The following BCAS3 variants were observed in gnomAD, a reference collection of about 807,000 sequenced individuals.
BCAS3 encodes BCAS4/BCAS3 fusion.
BCAS3 carries 53 observed loss-of-function variants against 116.1 expected under a neutral mutation model. The observed-to-expected ratio is 0.46, with a 90% confidence interval of 0.37 to 0.57. BCAS3 has a LOEUF of 0.57. Ranked by LOEUF, BCAS3 falls within the 20% of genes least tolerant of loss-of-function variation. The pLI is 0.00. For synonymous variants in BCAS3, 391 were observed against 408.2 expected, an observed-to-expected ratio of 0.96 and a Z score of 0.51; for missense variants, 917 against 1,165.4, an observed-to-expected ratio of 0.79 and a Z score of 3.10.
rs940073932 is a variant in BCAS3, at chr17:61,354,372, C to T, written c.2426-13955C>T. ...GACTTCCTGTTCCAGTGGACTCTTC[C>T]ACCGCCCTTGAGTGGGGAACATCCA... is the stretch of plus-strand genomic sequence containing the variant. On this transcript the variant is annotated intron_variant, in intron 22 of 23. Transcript: ENST00000407086. This position sits in a 1 kb window ranked among gnomAD's most constrained non-coding sequence, Gnocchi z 4.5. 6.6e-6 allele frequency: 1 copy of T among 152,200 alleles called. No individual in the cohort carries two copies. Among genetic ancestry groups the T allele is most frequent in the African/African-American group, 2.4e-5 (1 of 41,438 alleles). The allele number at this position is 152,200 out of a possible 1,614,324, so 9.4% of individuals were successfully genotyped here.
chr17:61,334,399 G>A (rs1490768858), intron 22 of BCAS3, among the ~76,000 whole-genome samples: 1 of 152,184 alleles, frequency 6.6e-6, no homozygotes, highest in Admixed American at 6.5e-5. Flanking sequence ...GGGCGCGGTG[G>A]CTCACGCCTG....
intron 7 of BCAS3, among the ~76,000 whole-genome samples, chr17:60,830,908 G>T (rs2050860923): frequency 1.4e-5 from 2 of 147,402 alleles, no homozygotes; most frequent in African/African-American, 5.0e-5. Flanking sequence ...GTCTTACTCT[G>T]TGATCCATGC....
At chr17:60,944,835 A>G (rs1176045744) in intron 13 of BCAS3, among the ~76,000 whole-genome samples, 3 of 152,168 alleles carry the variant, frequency 2.0e-5, no homozygotes, top group Non-Finnish European at 4.4e-5. Context: ...TTCATTATAA[A>G]AACTCTCAAC....
At position 61,105,585 on chromosome 17, in the gene BCAS3, C is replaced by T. The variant is rs947339461; in HGVS notation, c.2425+21021C>T. ...GGTTACAGGCATGTGCCACCACGCC[C>T]AGCTAATTTTGTATTTTTTTTAGTA... On this transcript the variant is annotated intron_variant, in intron 22 of 23. Coordinates refer to ENST00000407086, the MANE Select transcript of BCAS3 (RefSeq NM_017679.5). The surrounding 1 kb of genome is among the most constrained non-coding windows in gnomAD (Gnocchi z 4.3). Among the ~76,000 whole-genome samples, 1 of 152,134 alleles carries T rather than the reference C, an allele frequency of 6.6e-6. No individual in the cohort carries two copies. The highest frequency in any genetic ancestry group is 2.4e-5 in the African/African-American group (1 of 41,448).
At chr17:60,818,955 A>G (rs1490914001) in intron 7 of BCAS3, among the ~76,000 whole-genome samples, 1 of 152,106 alleles carries the variant, frequency 6.6e-6, no homozygotes, top group East Asian at 1.9e-4. Flanking sequence ...TTAACTTAGA[A>G]CCACGAAGAC....
In BCAS3 at chr17:61,134,230, G is replaced by A. The variant is rs1394949757; in HGVS notation, c.2425+49666G>A. On this transcript the variant is annotated intron_variant, in intron 22 of 23. Transcript: ENST00000407086. This position sits in a 1 kb window ranked among gnomAD's most constrained non-coding sequence, Gnocchi z 4.6. ...AAAGAAAGGGAAGAAATACCATTTC[G>A]TAATAAGAAGATGAGGATCAATAAT... 1.3e-5 allele frequency among the ~76,000 whole-genome samples: 2 copies of A among 152,172 alleles called. No individual in the cohort carries two copies. The highest frequency in any genetic ancestry group is 1.9e-4 in the East Asian group (1 of 5,200).
chr17:61,306,387 T>C (rs1179369311), intron 22 of BCAS3, among the ~76,000 whole-genome samples: 1 of 152,236 alleles, frequency 6.6e-6, no homozygotes, highest in Non-Finnish European at 1.5e-5. Context: ...AGTTAGAGAA[T>C]AGCACACTTT....
intron 17 of BCAS3, among the ~76,000 whole-genome samples, chr17:61,035,055 T>G (rs924431677): frequency 6.6e-6 from 1 of 152,188 alleles, no homozygotes; most frequent in African/African-American, 2.4e-5. Context: ...ATGCTGTCAA[T>G]TCTATACCCA....
chr17:61,170,302 GT>G lies in BCAS3; in HGVS notation c.2425+85746del, dbSNP rs200932936. ...TTTTTGTTTTTGTTTTTGTTTTTTG[GT>G]TTTTTTTGAGACGGAGTCTCGCTCT... On this transcript the variant is annotated intron_variant, in intron 22 of 23. Transcript: ENST00000407086. Among the ~76,000 whole-genome samples the G allele has an allele frequency of 3.3e-3, 477 of 145,954 alleles. 11 individuals carry two copies. Among genetic ancestry groups the G allele is most frequent in the Admixed American group, 0.03 (443 of 14,632 alleles).
At chr17:61,273,724 CTCTGT>C (rs2050511717) in intron 22 of BCAS3, among the ~76,000 whole-genome samples, 1 of 148,700 alleles carries the variant, frequency 6.7e-6, no homozygotes, top group Non-Finnish European at 1.5e-5. Flanking sequence ...GTCACTGTGG[CTCTGT>C]TCTTTTTTTT....
intron 22 of BCAS3, among the ~76,000 whole-genome samples, chr17:61,240,212 C>T (rs780854505): frequency 2.0e-5 from 3 of 152,196 alleles, no homozygotes; most frequent in Admixed American, 2.0e-4. Flanking sequence ...CTTCTACTTA[C>T]AACCATCCTG....
chr17:60,895,759 C>G (rs973619862), intron 10 of BCAS3, among the ~76,000 whole-genome samples: 3 of 152,102 alleles, frequency 2.0e-5, no homozygotes, highest in Non-Finnish European at 1.5e-5. Context: ...TCATTTGTTT[C>G]AAGATTTTAA....
chr17:61,048,767 C>T (rs1281754041), intron 19 of BCAS3, among the ~76,000 whole-genome samples: 1 of 151,888 alleles, frequency 6.6e-6, no homozygotes, highest in African/African-American at 2.4e-5. Context: ...TGCAGAGGGT[C>T]CTTTTCCAGT....
At chr17:61,135,619 C>A (rs1191978465) in intron 22 of BCAS3, among the ~76,000 whole-genome samples, 1 of 152,226 alleles carries the variant, frequency 6.6e-6, no homozygotes, top group Non-Finnish European at 1.5e-5. Context: ...TAGCAGACTA[C>A]TGCCACCCCC....
intron 6 of BCAS3, among the ~76,000 whole-genome samples, chr17:60,748,337 G>T (rs1342054844): frequency 6.6e-6 from 1 of 152,126 alleles, no homozygotes; most frequent in Admixed American, 6.5e-5. Context: ...TTTCTCCCTT[G>T]CTATTCAACT....
chr17:60,727,284 G>A, intron 5 of BCAS3: 1 of 1,121,566 alleles, frequency 8.9e-7, no homozygotes, highest in Admixed American at 1.7e-5. Context: ...TCTGGCCTTA[G>A]CACAGTCTTC....
chr17:61,344,974 A>T lies in BCAS3; in HGVS notation c.2426-23353A>T, dbSNP rs1159423161. On this transcript the variant is annotated intron_variant, in intron 22 of 23. Transcript: ENST00000407086. The surrounding 1 kb of genome is among the most constrained non-coding windows in gnomAD (Gnocchi z 4.1). The stretch of plus-strand genomic sequence containing the variant: ...GCACACCCCTCACAGAAAAATAGCC[A>T]CTCTGTCCCTTCTCATGCGGAGGAA... Among the ~76,000 whole-genome samples the T allele has an allele frequency of 2.0e-5, 3 of 151,822 alleles. No individual in the cohort carries two copies. Among genetic ancestry groups the T allele is most frequent in the Non-Finnish European group, 4.4e-5 (3 of 67,938 alleles).
rs757022097 is a variant in BCAS3, at chr17:60,889,722, T to G, written c.689T>G (p.Met230Arg). 5.0e-6 allele frequency: 8 copies of G among 1,613,394 alleles called. No homozygotes were observed. The highest frequency in any genetic ancestry group is 6.8e-6 in the Non-Finnish European group (8 of 1,179,944). Residue 230 changes from methionine to arginine, a missense_variant, in exon 10 of 24, where the codon ATG becomes AGG. Met to Arg is a moderately conservative substitution (Grantham distance 91). Around this residue, in one of 3 missense-constraint regions of BCAS3, gnomAD observed 807 missense variants for 1,026.0 expected, o/e 0.79. Transcript: ENST00000407086. ...TSCYPCPGPN[M>R]NPIALGSRWL... ...TGCTATCCATGTCCAGGGCCAAACATGAATCCTATTGCTCTTGGGAGCCGC... is the reference window on the plus strand; with the variant it reads ...TGCTATCCATGTCCAGGGCCAAACAGGAATCCTATTGCTCTTGGGAGCCGC...
At chr17:60,748,993 T>C (rs555429471) in intron 6 of BCAS3, 6 of 151,990 alleles carry the variant, frequency 3.9e-5, no homozygotes, top group Non-Finnish European at 8.8e-5. Flanking sequence ...GAACAAGGAG[T>C]TCCATCAGTA....
Sources: allele counts gnomAD v4.1 joint callset (sites outside exome capture counted in the v4.1 genomes callset), GRCh38; gene constraint gnomAD v4.1.1; regional missense constraint gnomAD v4.1.1; non-coding constraint Gnocchi (gnomAD v3.1); transcripts MANE v1.5; gene names NCBI Gene and HGNC (gene_info 2026-07-23, HGNC 2026-07-21).